The following ERBB4 variants were observed in gnomAD, a reference collection of about 807,000 sequenced individuals.
ERBB4 encodes the protein receptor tyrosine-protein kinase erbB-4.
ERBB4 carries 42 observed loss-of-function variants against 158.0 expected under a neutral mutation model. The ratio of observed to expected loss-of-function variants is 0.27; its 90% CI spans 0.21 to 0.34. ERBB4 has a LOEUF of 0.34. Ranked by LOEUF, ERBB4 falls within the 10% of genes least tolerant of loss-of-function variation. The probability of loss-of-function intolerance (pLI) is 1.00; values close to 1 mark genes in which losing one functional copy is unlikely to be tolerated. For synonymous variants in ERBB4, 583 were observed against 558.7 expected (o/e 1.04, Z -0.61); for missense variants, 1,333 against 1,624.1 (o/e 0.82, Z 3.08).
chr2:212,314,604 A>C (rs1383302016), intron 1 of ERBB4, among the ~76,000 whole-genome samples: 1 of 151,152 alleles, frequency 6.6e-6, no homozygotes, highest in Non-Finnish European at 1.5e-5. Context: ...TTTTTTTAAA[A>C]AGAATCAAAT....
At chr2:212,050,059 A>T (rs1343773731) in intron 2 of ERBB4, among the ~76,000 whole-genome samples, 1 of 152,160 alleles carries the variant, frequency 6.6e-6, no homozygotes, top group Non-Finnish European at 1.5e-5. Flanking sequence ...CCTTTTGAAA[A>T]AAAATGGGGA....
chr2:211,486,980 T>C (rs911728562), intron 20 of ERBB4, among the ~76,000 whole-genome samples: 2 of 151,750 alleles, frequency 1.3e-5, no homozygotes, highest in African/African-American at 4.8e-5. Context: ...CTTTAAAATA[T>C]GTTTTTTTCT....
At chr2:212,122,789 A>C (rs1051846842) in intron 2 of ERBB4, among the ~76,000 whole-genome samples, 1 of 151,768 alleles carries the variant, frequency 6.6e-6, no homozygotes, top group Non-Finnish European at 1.5e-5. Context: ...AAATATATAA[A>C]AAGACATTTT....
chr2:211,993,704 C>T (rs370436345), intron 2 of ERBB4, among the ~76,000 whole-genome samples: 20 of 150,280 alleles, frequency 1.3e-4, no homozygotes, highest in South Asian at 1.3e-3. Context: ...TTTTTGCCCC[C>T]GGTTATCTAT....
chr2:211,763,920 A>G (rs1440989005), intron 4 of ERBB4, among the ~76,000 whole-genome samples: 2 of 152,168 alleles, frequency 1.3e-5, no homozygotes, highest in Non-Finnish European at 2.9e-5. Context: ...ACACAAATAT[A>G]TGTATATGTC....
intron 4 of ERBB4, among the ~76,000 whole-genome samples, chr2:211,760,883 A>G (rs747984250): frequency 6.6e-6 from 1 of 152,184 alleles, no homozygotes; most frequent in Non-Finnish European, 1.5e-5. Context: ...ACATGATAGC[A>G]TAAGTACTAC....
chr2:211,388,044 G>A (rs772306265), intron 25 of ERBB4, 52 bp from the exon 26 acceptor site: 8 of 1,305,640 alleles, frequency 6.1e-6, no homozygotes, highest in Admixed American at 5.4e-5. Flanking sequence ...CAATATGAAT[G>A]AAAAAATTAA....
intron 2 of ERBB4, among the ~76,000 whole-genome samples, chr2:212,061,675 T>A (rs1348603005): frequency 6.6e-6 from 1 of 151,680 alleles, no homozygotes; most frequent in East Asian, 1.9e-4. Context: ...ACCTGCAAAA[T>A]GGGTCCCAAA....
chr2:211,403,485 G>C (rs1323719334), intron 25 of ERBB4, among the ~76,000 whole-genome samples: 2 of 152,122 alleles, frequency 1.3e-5, no homozygotes, highest in Non-Finnish European at 2.9e-5. Context: ...TGGTATCACT[G>C]AGATTGCAAT....
intron 1 of ERBB4, among the ~76,000 whole-genome samples, chr2:212,516,143 C>T (rs1401870063): frequency 1.3e-5 from 2 of 151,930 alleles, no homozygotes; most frequent in Non-Finnish European, 2.9e-5. Flanking sequence ...CACACAGACA[C>T]ATACACTCAT....
chr2:212,516,761 C>T (rs748254296), intron 1 of ERBB4, among the ~76,000 whole-genome samples: 1 of 152,076 alleles, frequency 6.6e-6, no homozygotes, highest in Non-Finnish European at 1.5e-5. Flanking sequence ...ATACTCTTGA[C>T]GTCCCATATA....
chr2:211,800,310 T>C (rs191702493), intron 3 of ERBB4, among the ~76,000 whole-genome samples: 32 of 152,306 alleles, frequency 2.1e-4, no homozygotes, highest in Non-Finnish European at 3.8e-4. Flanking sequence ...TAATTATTAC[T>C]AATCTCATTT....
At chr2:212,172,332 C>A (rs753177885) in intron 1 of ERBB4, among the ~76,000 whole-genome samples, 44 of 152,052 alleles carry the variant, frequency 2.9e-4, no homozygotes, top group Non-Finnish European at 5.7e-4. Context: ...TAAATTAGTT[C>A]TACCATTGTG....
intron 3 of ERBB4, among the ~76,000 whole-genome samples, chr2:211,791,394 G>C (rs894494275): frequency 6.6e-6 from 1 of 151,702 alleles, no homozygotes; most frequent in Non-Finnish European, 1.5e-5. Flanking sequence ...CCAACCAACA[G>C]TTTCCCCCCA....
At chr2:211,961,981 A>G (rs73986004) in intron 2 of ERBB4, among the ~76,000 whole-genome samples, 3,873 of 152,200 alleles carry the variant, frequency 0.025, 169 homozygotes, top group African/African-American at 0.089. Context: ...ACAAGTAAGA[A>G]TGGTGGTTAC....
chr2:212,384,681 A>G (rs1419750476), intron 1 of ERBB4, among the ~76,000 whole-genome samples: 1 of 151,630 alleles, frequency 6.6e-6, no homozygotes, highest in Non-Finnish European at 1.5e-5. Flanking sequence ...AATGGCAATA[A>G]TTTATGCTAG....
chr2:211,471,729 T>C (rs1324550190), intron 20 of ERBB4, among the ~76,000 whole-genome samples: 1 of 151,900 alleles, frequency 6.6e-6, no homozygotes, highest in African/African-American at 2.4e-5. Flanking sequence ...CATGGAGAAG[T>C]AGGAGTTAAA....
intron 16 of ERBB4, among the ~76,000 whole-genome samples, chr2:211,634,802 G>A (rs2070295477): frequency 6.6e-6 from 1 of 152,060 alleles, no homozygotes; most frequent in South Asian, 2.1e-4. Flanking sequence ...CTCAGCTTCT[G>A]GAGGAGCTGG....
chr2:212,087,460 T>C (rs1173979687), intron 2 of ERBB4, among the ~76,000 whole-genome samples: 1 of 152,210 alleles, frequency 6.6e-6, no homozygotes, highest in East Asian at 1.9e-4. Flanking sequence ...TTTGTTTCCA[T>C]ACCACATCAT....
Sources: allele counts gnomAD v4.1 joint callset (sites outside exome capture counted in the v4.1 genomes callset), GRCh38; gene constraint gnomAD v4.1.1; transcripts MANE v1.5; gene names NCBI Gene and HGNC (gene_info 2026-07-23, HGNC 2026-07-21).